Variants in UCP2 observed in about 807,000 individuals in gnomAD.
UCP2 encodes uncoupling protein 2, also known as dicarboxylate carrier SLC25A8.
Under a neutral mutation model 31.3 loss-of-function variants are expected in UCP2, and 27 were observed. The observed-to-expected ratio is 0.86, with a 90% confidence interval of 0.64 to 1.19. UCP2 has a LOEUF of 1.19. Among genes scored for constraint, UCP2 ranks in the 50% most tolerant of loss-of-function variants. The pLI is 0.00. For missense variants in UCP2, 377 were observed against 413.5 expected (o/e 0.91, Z 0.76); for synonymous variants, 142 against 157.4 (o/e 0.90, Z 0.73).
rs1261897675 is a variant in UCP2 at position 73,974,864 on chromosome 11, G to A, written c.*143C>T. 1 of 762,010 alleles carries A rather than the reference G, an allele frequency of 1.3e-6. No homozygotes were observed. Among genetic ancestry groups the A allele is most frequent in the Non-Finnish European group, 2.3e-6 (1 of 431,280 alleles). 47.2% of individuals were successfully genotyped at this position (762,010 alleles called of 1,614,324 possible). A position where few individuals can be genotyped will look rare whatever the true frequency, so the allele number is the denominator to read the frequency against. ...AGATGAGAATGTAGAAAGAGGGAAGGTGGTAGGTAAAGGAGCGGAAGGAAG... is the reference window on the plus strand; with the variant it reads ...AGATGAGAATGTAGAAAGAGGGAAGATGGTAGGTAAAGGAGCGGAAGGAAG... On this transcript the variant is annotated 3_prime_UTR_variant, in exon 8 of 8. Transcript: ENST00000663595.
At chr11:73,975,429 C>A (rs1951325932) in intron 7 of UCP2, 62 bp downstream of exon 7, 1 of 1,548,448 alleles carries the variant, frequency 6.5e-7, no homozygotes, top group African/African-American at 1.4e-5. Flanking sequence ...GGTTCTCTCC[C>A]ACCCACAATA....
rs1951480174 is a variant in UCP2 at position 73,982,707 on chromosome 11, G to C, written c.-257+14C>G. On this transcript the variant is annotated intron_variant, in intron 1 of 7. Coordinates refer to ENST00000663595, the MANE Select transcript of UCP2 (RefSeq NM_003355.3). ...TGGGGGGCGCAAAGGGCGCAGGGCT[G>C]GGGCCAGGCTCACCGAGCCGCAGGG... 1.3e-5 allele frequency: 2 copies of C among 152,482 alleles called. No homozygotes were observed. The highest frequency in any genetic ancestry group is 2.1e-4 in the South Asian group (1 of 4,850). 9.4% of individuals were successfully genotyped at this position (152,482 alleles called of 1,614,324 possible).
chr11:73,978,141 C>A, intron 3 of UCP2, 45 bp from the exon 4 acceptor site: 1 of 1,613,976 alleles, frequency 6.2e-7, no homozygotes, highest in South Asian at 1.1e-5. Flanking sequence ...GCATGTTGCC[C>A]TTCCCACCTC....
chr11:73,978,164 T>C, intron 3 of UCP2, 68 bp from the exon 4 acceptor site: 1 of 1,613,968 alleles, frequency 6.2e-7, no homozygotes, highest in Non-Finnish European at 8.5e-7. Flanking sequence ...GTCATCTCGA[T>C]GCTCCAAACA....
Position 73,977,871 on chromosome 11 carries a change from T to C in UCP2, c.337+15A>G. On this transcript the variant is annotated intron_variant, in intron 4 of 7. Transcript: ENST00000663595. ...AAAAAGGGCCAAGGGGCCTACACCC[T>C]TGCTCCATACTCACGCTCAGAGCCC... 3 of 1,614,204 alleles carry C rather than the reference T, an allele frequency of 1.9e-6. No homozygotes were observed. The highest frequency in any genetic ancestry group is 2.5e-6 in the Non-Finnish European group (3 of 1,180,012).
chr11:73,978,150 T>C, intron 3 of UCP2, 54 bp from the exon 4 acceptor site: 1 of 1,613,910 alleles, frequency 6.2e-7, no homozygotes, highest in Non-Finnish European at 8.5e-7. Flanking sequence ...CCTTCCCACC[T>C]CCAGTCATCT....
At position 73,976,724 on chromosome 11, in the gene UCP2, G is replaced by A. The variant is rs889934501; in HGVS notation, c.551C>T (p.Ala184Val). The A allele has an allele frequency of 6.2e-7, 1 of 1,614,186 alleles. No homozygotes were observed. Residue 184 changes from alanine (A) to valine (V), a missense_variant, in exon 6 of 8, where the codon GCT becomes GTT. Coordinates refer to ENST00000663595, the MANE Select transcript of UCP2 (RefSeq NM_003355.3). ...GLWKGTSPNV[A>V]RNAIVNCAEL... ...AGCACAGTTGACAATGGCATTACGAGCAACATTGGGAGAGGTCCCTGTAGG... is the reference window on the plus strand; with the variant it reads ...AGCACAGTTGACAATGGCATTACGAACAACATTGGGAGAGGTCCCTGTAGG...
At chr11:73,979,839 C>CA (rs926709392) in intron 2 of UCP2, 6 of 151,568 alleles carry the variant, frequency 4.0e-5, no homozygotes, top group Non-Finnish European at 8.8e-5. Flanking sequence ...AAACAAACCC[C>CA]AAAAAACCTA....
intron 5 of UCP2, 22 bp downstream of exon 5, chr11:73,976,796 GGGGAA>G: frequency 6.2e-7 from 1 of 1,614,242 alleles, no homozygotes; most frequent in Non-Finnish European, 8.5e-7. Context: ...AGGAGGAAAA[GGGGAA>G]GGGAAAACAA....
intron 7 of UCP2, among the ~76,000 whole-genome samples, 157 bp from the exon 8 acceptor site, chr11:73,975,278 C>A (rs747608117): frequency 1.2e-4 from 19 of 152,192 alleles, no homozygotes; most frequent in Non-Finnish European, 2.2e-4. Context: ...CATGAATTCC[C>A]TTTGAGTCTC....
intron 5 of UCP2, 26 bp from the exon 6 acceptor site, chr11:73,976,768 G>A: frequency 6.2e-7 from 1 of 1,614,200 alleles, no homozygotes; most frequent in Non-Finnish European, 8.5e-7. Flanking sequence ...GATCCTGGGT[G>A]AGACCAGAGT....
chr11:73,976,371 CA>C (rs1217848147), intron 6 of UCP2, among the ~76,000 whole-genome samples: 1 of 151,886 alleles, frequency 6.6e-6, no homozygotes, highest in Non-Finnish European at 1.5e-5. Flanking sequence ...AACAAACAAA[CA>C]AAAAAACAAA....
intron 6 of UCP2, 65 bp downstream of exon 6, chr11:73,976,576 A>G (rs1951348398): frequency 1.6e-6 from 2 of 1,282,182 alleles, no homozygotes; most frequent in African/African-American, 2.9e-5. Flanking sequence ...TGTCAGCTAG[A>G]CCCCCGCACC....
chr11:73,978,756 G>A (rs565463870), intron 2 of UCP2: 1 of 343,700 alleles, frequency 2.9e-6, no homozygotes, highest in South Asian at 2.3e-5. Flanking sequence ...AACAGCCACT[G>A]GACCAGCCCT....
rs1026243157 is a variant in UCP2 at position 73,974,937 on chromosome 11, A to C, written c.*70T>G. The C allele has an allele frequency of 3.2e-6, 3 of 939,120 alleles. No homozygotes were observed. Among genetic ancestry groups the C allele is most frequent in the African/African-American group, 4.1e-5 (2 of 48,304 alleles). The allele number at this position is 939,120 out of a possible 1,614,324, so 58.2% of individuals were successfully genotyped here. A position where few individuals can be genotyped will look rare whatever the true frequency, so the allele number is the denominator to read the frequency against. ...AGAAGGGAAGGAGGGAAGAGAAAGA[A>C]GGAAGAAAAGGAAAGCATGGCCCGG... On this transcript the variant is annotated 3_prime_UTR_variant, in exon 8 of 8. Coordinates refer to ENST00000663595, the MANE Select transcript of UCP2 (RefSeq NM_003355.3).
Position 73,976,951 on chromosome 11 carries a change from T to C in UCP2, c.404A>G (p.Gln135Arg), listed in dbSNP as rs746979739. 1.2e-5 allele frequency: 19 copies of C among 1,611,306 alleles called. No homozygotes were observed. In the Admixed American group the frequency reaches 2.2e-4, roughly 18 times the overall value. ...TCGGACCTTTACCACATCCGTGGGC[T>C]GGGCCACAGCCACAGCCAGGGCACC... Reference protein sequence around the residue: ...TTGALAVAVAQPTDVVKVRFQ... With the variant: ...TTGALAVAVARPTDVVKVRFQ... The change falls in exon 5 of 8, where the codon CAG (glutamine) becomes CGG (arginine). Residue 135 changes from glutamine to arginine, a missense_variant. Transcript: ENST00000663595.
rs1951314452 is a variant in UCP2 at position 73,974,914 on chromosome 11, A to AGGTGGGGAAAG, written c.*92_*93insCTTTCCCCACC. 1.9e-6 allele frequency: 2 copies of AGGTGGGGAAAG among 1,061,150 alleles called. No homozygotes were observed. The highest frequency in any genetic ancestry group is 1.6e-5 in the African/African-American group (1 of 63,176). The allele number at this position is 1,061,150 out of a possible 1,614,324, so 65.7% of individuals were successfully genotyped here. ...GAGGTGGGGAAAGAGGGAAGGAGAG[A>AGGTGGGGAAAG]AGGGAAGGAGGGAAGAGAAAGAAGG... is the stretch of plus-strand genomic sequence containing the variant. On this transcript the variant is annotated 3_prime_UTR_variant, in exon 8 of 8. Coordinates refer to ENST00000663595, the MANE Select transcript of UCP2 (RefSeq NM_003355.3).
intron 6 of UCP2, 142 bp from the exon 7 acceptor site, chr11:73,975,813 G>C: frequency 1.9e-6 from 2 of 1,050,724 alleles, no homozygotes; most frequent in Non-Finnish European, 2.7e-6. Flanking sequence ...TGTAATCCAG[G>C]ACTTCTTTTG....
chr11:73,976,774 A>G lies in UCP2; in HGVS notation c.533-32T>C, dbSNP rs1951353203. ...GAGGAGGAAGATCCTGGGTGAGACC[A>G]GAGTATCGGGGAGGAGGAAAAGGGG... On this transcript the variant is annotated intron_variant, in intron 5 of 7. Transcript: ENST00000663595. 2.5e-6 allele frequency: 4 copies of G among 1,614,092 alleles called. No individual in the cohort carries two copies. In the South Asian group the frequency reaches 3.3e-5, roughly 13 times the overall value.
Sources: gnomAD v4.1 joint callset for allele counts (sites outside exome capture counted in the v4.1 genomes callset) on GRCh38, gnomAD v4.1.1 for gene constraint, MANE v1.5 for transcripts, NCBI Gene and HGNC (gene_info 2026-07-23, HGNC 2026-07-21) for gene names.